CAMK4: variants seen among roughly 807,000 people sequenced by gnomAD.
The protein encoded by CAMK4 is calcium/calmodulin dependent protein kinase IV, also known as calcium/calmodulin-dependent protein kinase type IV.
A neutral mutation model predicts 44.9 loss-of-function variants in CAMK4; 22 were observed. The observed-to-expected ratio is 0.49, with a 90% CI of 0.35 to 0.70. The LOEUF is 0.70. Ranked by LOEUF, CAMK4 falls within the 30% of genes least tolerant of loss-of-function variation. The pLI, the probability that CAMK4 is intolerant of heterozygous loss-of-function variation, is 0.01. For missense variants in CAMK4, 498 were observed against 586.8 expected, an observed-to-expected ratio of 0.85 and a Z score of 1.56; for synonymous variants, 218 against 215.4, an observed-to-expected ratio of 1.01 and a Z score of -0.11.
At chr5:111,442,523 T>G (rs923893520) in intron 5 of CAMK4, among the ~76,000 whole-genome samples, 1 of 122,008 alleles carries the variant, frequency 8.2e-6, no homozygotes, top group Non-Finnish European at 1.6e-5. Context: ...AAAACATATA[T>G]ATATATATAT....
At chr5:111,332,395 C>T (rs536836122) in intron 1 of CAMK4, among the ~76,000 whole-genome samples, 54 of 151,444 alleles carry the variant, frequency 3.6e-4, no homozygotes, top group Non-Finnish European at 6.8e-4. Context: ...CATGTCCCTG[C>T]AAAGGACATG....
intron 3 of CAMK4, among the ~76,000 whole-genome samples, chr5:111,376,280 C>T (rs1751209488): frequency 6.6e-6 from 1 of 151,756 alleles, no homozygotes; most frequent in South Asian, 2.1e-4. Context: ...TATAAAACTG[C>T]TTGGATTAGC....
At position 111,493,891 on chromosome 5, in the gene CAMK4, T is replaced by C. The variant is rs532070465; in HGVS notation, c.*9425T>C. 3.3e-5 allele frequency: 5 copies of C among 152,300 alleles called. No individual in the cohort carries two copies. The East Asian group carries it at 5.8e-4, about 18-fold the overall frequency. 9.4% of individuals were successfully genotyped at this position (152,300 alleles called of 1,614,324 possible). On this transcript the variant is annotated 3_prime_UTR_variant, in exon 11 of 11. Coordinates refer to ENST00000282356, the MANE Select transcript of CAMK4 (RefSeq NM_001744.6). The surrounding 1 kb of genome is among the most constrained non-coding windows in gnomAD (Gnocchi z 4.1). ...AAATGAAGGAAGATAGGGAGCAAGA[T>C]TGACTGTCATTTGAATGATGGAAGA...
intron 5 of CAMK4, among the ~76,000 whole-genome samples, chr5:111,445,523 G>A (rs753194476): frequency 2.0e-5 from 3 of 151,954 alleles, no homozygotes; most frequent in Non-Finnish European, 4.4e-5. Context: ...TAACCTCCTG[G>A]GCTCAAGTGA....
At chr5:111,280,525 T>A (rs1462690288) in intron 1 of CAMK4, among the ~76,000 whole-genome samples, 1 of 152,204 alleles carries the variant, frequency 6.6e-6, no homozygotes, top group Non-Finnish European at 1.5e-5. Context: ...GATTAAAATA[T>A]ATGCAGATGA....
intron 7 of CAMK4, among the ~76,000 whole-genome samples, chr5:111,460,747 CA>C (rs1294403583): frequency 6.6e-6 from 1 of 152,122 alleles, no homozygotes; most frequent in African/African-American, 2.4e-5. Flanking sequence ...CCTGGAGACT[CA>C]GTCTGATTCA....
intron 2 of CAMK4, among the ~76,000 whole-genome samples, chr5:111,361,901 T>C (rs1223045094): frequency 6.6e-6 from 1 of 152,038 alleles, no homozygotes; most frequent in Admixed American, 6.6e-5. Context: ...TAAAATTGTG[T>C]TTCATGTTTA....
chr5:111,251,177 C>G (rs1749473434), intron 1 of CAMK4, among the ~76,000 whole-genome samples: 1 of 152,174 alleles, frequency 6.6e-6, no homozygotes, highest in South Asian at 2.1e-4. Flanking sequence ...AGTGATTGTT[C>G]TGTGACTAGT....
At chr5:111,475,462 A>C in intron 8 of CAMK4, among the ~76,000 whole-genome samples, 1 of 152,234 alleles carries the variant, frequency 6.6e-6, no homozygotes, top group East Asian at 1.9e-4. Flanking sequence ...TGGGAAAATG[A>C]AGGGAAAAAT....
intron 1 of CAMK4, among the ~76,000 whole-genome samples, chr5:111,328,898 G>C (rs377734846): frequency 1.3e-5 from 2 of 151,856 alleles, no homozygotes; most frequent in South Asian, 4.1e-4. Flanking sequence ...TTATCAGCTT[G>C]AGGAGATTTT....
intron 2 of CAMK4, among the ~76,000 whole-genome samples, chr5:111,363,143 T>G (rs1482161554): frequency 6.6e-6 from 1 of 152,092 alleles, no homozygotes; most frequent in Non-Finnish European, 1.5e-5. Flanking sequence ...ACTTCACCTG[T>G]GCATTAATAA....
intron 5 of CAMK4, among the ~76,000 whole-genome samples, chr5:111,421,251 A>G (rs998814443): frequency 2.0e-5 from 3 of 152,328 alleles, no homozygotes; most frequent in African/African-American, 7.2e-5. Flanking sequence ...GCCTATGTAC[A>G]CTGCGCCTGT....
rs115180407 is a variant in CAMK4 at position 111,365,637 on chromosome 5, G to T, written c.241-9213G>T. ...TTTGGAGGAAGAAGGGAGGAGAAAT[G>T]ATTTGGGCATAGCAATGAGGAGCAA... is the stretch of plus-strand genomic sequence containing the variant. On this transcript the variant is annotated intron_variant, in intron 2 of 10. Transcript: ENST00000282356. Among the ~76,000 whole-genome samples, 947 of 152,168 alleles carry T rather than the reference G, an allele frequency of 6.2e-3. 4 individuals carry two copies. Among genetic ancestry groups the T allele is most frequent in the African/African-American group, 0.021 (878 of 41,536 alleles).
chr5:111,371,320 C>G (rs1220202760), intron 2 of CAMK4, among the ~76,000 whole-genome samples: 2 of 152,132 alleles, frequency 1.3e-5, no homozygotes, highest in Non-Finnish European at 2.9e-5. Flanking sequence ...TGTCAAAAGT[C>G]TTTTAGAATA....
chr5:111,457,306 G>C (rs1327051827), intron 7 of CAMK4, among the ~76,000 whole-genome samples: 2 of 152,108 alleles, frequency 1.3e-5, no homozygotes, highest in Non-Finnish European at 2.9e-5. Flanking sequence ...GAACTAAAAA[G>C]CTTTTAAATA....
intron 1 of CAMK4, among the ~76,000 whole-genome samples, chr5:111,272,752 G>A (rs1268272220): frequency 6.6e-6 from 1 of 152,060 alleles, no homozygotes; most frequent in Non-Finnish European, 1.5e-5. Context: ...TAGAAAGGAG[G>A]GAGCACCAAT....
At chr5:111,271,318 T>C (rs1377711621) in intron 1 of CAMK4, among the ~76,000 whole-genome samples, 1 of 152,200 alleles carries the variant, frequency 6.6e-6, no homozygotes, top group Non-Finnish European at 1.5e-5. Context: ...GGGTTCTGGT[T>C]TCTTCAACAT....
chr5:111,424,266 A>G (rs73787170), intron 5 of CAMK4, among the ~76,000 whole-genome samples: 40,203 of 152,052 alleles, frequency 0.26, 5,683 homozygotes, highest in Non-Finnish European at 0.31. Flanking sequence ...ACACAGGTGC[A>G]TTGCACCAGG....
At chr5:111,311,845 C>T (rs1300639223) in intron 1 of CAMK4, among the ~76,000 whole-genome samples, 1 of 152,124 alleles carries the variant, frequency 6.6e-6, no homozygotes, top group Non-Finnish European at 1.5e-5. Context: ...ATTTGTCAGT[C>T]TTCCTAATCT....
Sources: gnomAD v4.1 joint callset for allele counts (sites outside exome capture counted in the v4.1 genomes callset) on GRCh38, gnomAD v4.1.1 for gene constraint, Gnocchi (gnomAD v3.1) non-coding constraint, MANE v1.5 for transcripts, NCBI Gene and HGNC (gene_info 2026-07-23, HGNC 2026-07-21) for gene names.